PLA2G10: variants seen among roughly 807,000 people sequenced by gnomAD.
PLA2G10 encodes the protein phospholipase A2 group X, also known as group 10 secretory phospholipase A2.
PLA2G10 carries 9 observed loss-of-function variants against 7.9 expected under a neutral mutation model. That is an observed-to-expected ratio of 1.14 (90% CI 0.68 to 1.98). The LOEUF (loss-of-function observed/expected upper bound fraction) is 1.98. PLA2G10 is among the 30% of genes most tolerant of loss of function. PLA2G10 has a pLI of 0.00. For missense variants in PLA2G10, 53 were observed against 65.4 expected (o/e 0.81, Z 0.66); for synonymous variants, 19 against 27.5 (o/e 0.69, Z 0.97).
chr16:14,687,534 C>G (rs999077415), intron 3 of PLA2G10, among the ~76,000 whole-genome samples: 2 of 151,968 alleles, frequency 1.3e-5, no homozygotes, highest in African/African-American at 4.8e-5. Context: ...TAGAGATGCA[C>G]TCCTGGCCTC....
At chr16:14,684,171 A>G (rs1960980123) in intron 3 of PLA2G10, among the ~76,000 whole-genome samples, 1 of 151,398 alleles carries the variant, frequency 6.6e-6, no homozygotes. Context: ...CAGCCTGGCC[A>G]ACATGGTGAA....
At chr16:14,672,875 T>G in intron 3 of PLA2G10, 126 bp from the exon 4 acceptor site, 1 of 834,402 alleles carries the variant, frequency 1.2e-6, no homozygotes, top group Non-Finnish European at 1.9e-6. Context: ...CACCACGTGA[T>G]CTCCATCTGC....
At chr16:14,681,122 C>T (rs1360605143) in intron 3 of PLA2G10, among the ~76,000 whole-genome samples, 1 of 151,384 alleles carries the variant, frequency 6.6e-6, no homozygotes, top group Non-Finnish European at 1.5e-5. Context: ...TGAGATAGCA[C>T]CACTGCACTC....
Position 14,686,385 on chromosome 16 carries a change from A to C in PLA2G10, c.355+1780T>G, listed in dbSNP as rs140395881. 6.6e-5 allele frequency among the ~76,000 whole-genome samples: 10 copies of C among 152,304 alleles called. No homozygotes were observed. The East Asian group carries it at 1.7e-3, about 26-fold the overall frequency. On this transcript the variant is annotated intron_variant, in intron 3 of 3. Coordinates refer to ENST00000438167, the MANE Select transcript of PLA2G10 (RefSeq NM_003561.3). ...ACTTTGAGTCTCGCTGCCGAAACTC[A>C]AGCCTTATCTGCATTCTCCCTGTAC...
intron 3 of PLA2G10, chr16:14,678,499 T>C (rs944880902): frequency 6.5e-5 from 15 of 229,866 alleles, no homozygotes; most frequent in African/African-American, 3.5e-4. Flanking sequence ...CCGAGTGTGG[T>C]GGCTCACGCC....
intron 3 of PLA2G10, among the ~76,000 whole-genome samples, chr16:14,682,650 T>G (rs1174401587): frequency 6.6e-6 from 1 of 152,128 alleles, no homozygotes; most frequent in African/African-American, 2.4e-5. Flanking sequence ...GCAGACCAAG[T>G]CAGCAGAACC....
At position 14,676,735 on chromosome 16, in the gene PLA2G10, A is replaced by G. The variant is rs1178766005; in HGVS notation, c.356-3986T>C. ...ATACACCATGGAATACTACTTAGCC[A>G]TAAAAAAGAACAAAATGTTTTCTGC... On this transcript the variant is annotated intron_variant, in intron 3 of 3. Transcript: ENST00000438167. Among the ~76,000 whole-genome samples the G allele has an allele frequency of 2.6e-5, 4 of 152,234 alleles. No individual in the cohort carries two copies. In the East Asian group the frequency reaches 7.7e-4, roughly 29 times the overall value.
At chr16:14,687,289 T>G (rs866243669) in intron 3 of PLA2G10, among the ~76,000 whole-genome samples, 9 of 151,530 alleles carry the variant, frequency 5.9e-5, no homozygotes, top group East Asian at 1.9e-4. Flanking sequence ...AATTGCAGGG[T>G]TTTTTTTATA....
chr16:14,685,769 A>G (rs1026485182), intron 3 of PLA2G10, among the ~76,000 whole-genome samples: 1 of 151,834 alleles, frequency 6.6e-6, no homozygotes, highest in Non-Finnish European at 1.5e-5. Flanking sequence ...GTCTCGGCTC[A>G]CTGCAACCTC....
In PLA2G10 at chr16:14,672,600, A is replaced by G. The variant is rs776877289; in HGVS notation, c.*7T>C. The G allele has an allele frequency of 2.9e-5, 47 of 1,613,564 alleles. No individual in the cohort carries two copies. The Admixed American group carries it at 7.7e-4, about 26-fold the overall frequency. On this transcript the variant is annotated 3_prime_UTR_variant, in exon 4 of 4. Coordinates refer to ENST00000438167, the MANE Select transcript of PLA2G10 (RefSeq NM_003561.3). ...CTTGTGCAAAAGAGCATTTCAAGTC[A>G]AGGTAGTCAGTCACACTTGGGCGAG...
intron 3 of PLA2G10, among the ~76,000 whole-genome samples, chr16:14,687,928 G>C (rs1211138452): frequency 6.6e-6 from 1 of 151,746 alleles, no homozygotes; most frequent in Non-Finnish European, 1.5e-5. Flanking sequence ...GAACCCAGGA[G>C]GCAGAGGTTG....
At chr16:14,676,105 G>A (rs929317689) in intron 3 of PLA2G10, among the ~76,000 whole-genome samples, 1 of 152,120 alleles carries the variant, frequency 6.6e-6, no homozygotes, top group Non-Finnish European at 1.5e-5. Context: ...TTATTGAAAA[G>A]TCAAAATAGA....
At chr16:14,681,280 A>G (rs1012701231) in intron 3 of PLA2G10, among the ~76,000 whole-genome samples, 1 of 152,100 alleles carries the variant, frequency 6.6e-6, no homozygotes, top group Admixed American at 6.6e-5. Context: ...ACACAACCCC[A>G]GCAACTCTGG....
chr16:14,683,859 C>G (rs180810912), intron 3 of PLA2G10, among the ~76,000 whole-genome samples: 2 of 152,218 alleles, frequency 1.3e-5, no homozygotes, highest in African/African-American at 4.8e-5. Flanking sequence ...AAGACACTAT[C>G]AAGGAAGTGA....
chr16:14,687,163 AAAAC>A (rs199915917), intron 3 of PLA2G10, among the ~76,000 whole-genome samples: 39 of 151,964 alleles, frequency 2.6e-4, no homozygotes, highest in African/African-American at 3.9e-4. Flanking sequence ...CCACACTCCA[AAAAC>A]AAACAAACAA....
At chr16:14,679,240 G>A (rs1017625854) in intron 3 of PLA2G10, among the ~76,000 whole-genome samples, 1 of 152,056 alleles carries the variant, frequency 6.6e-6, no homozygotes, top group African/African-American at 2.4e-5. Flanking sequence ...CTAAAACACT[G>A]TTATCACCCC....
intron 3 of PLA2G10, among the ~76,000 whole-genome samples, chr16:14,679,341 C>T (rs1960817030): frequency 6.6e-6 from 1 of 151,894 alleles, no homozygotes. Flanking sequence ...CAAGACCAAC[C>T]TAGGCAGCAT....
At chr16:14,679,041 G>T (rs1328573680) in intron 3 of PLA2G10, among the ~76,000 whole-genome samples, 2 of 151,908 alleles carry the variant, frequency 1.3e-5, no homozygotes, top group East Asian at 3.9e-4. Context: ...TGTTCCTCAG[G>T]TCTCTGCTTC....
intron 3 of PLA2G10, among the ~76,000 whole-genome samples, chr16:14,676,098 T>C (rs907226556): frequency 2.6e-5 from 4 of 152,142 alleles, no homozygotes; most frequent in East Asian, 1.9e-4. Context: ...ATGGCCATTA[T>C]TGAAAAGTCA....
Sources: allele counts gnomAD v4.1 joint callset (sites outside exome capture counted in the v4.1 genomes callset), GRCh38; gene constraint gnomAD v4.1.1; transcripts MANE v1.5; gene names NCBI Gene and HGNC (gene_info 2026-07-23, HGNC 2026-07-21).